The following PRR16 variants were observed in gnomAD, a reference collection of about 807,000 sequenced individuals.
The protein encoded by PRR16 is protein Largen.
Under a neutral mutation model 18.2 loss-of-function variants are expected in PRR16, and 6 were observed. The ratio of observed to expected loss-of-function variants is 0.33; its 90% CI spans 0.18 to 0.65. The LOEUF is 0.65. Ranked by LOEUF, PRR16 falls within the 30% of genes least tolerant of loss-of-function variation. PRR16 has a pLI of 0.74. For missense variants in PRR16, 412 were observed against 376.6 expected, an observed-to-expected ratio of 1.09 and a Z score of -0.78; for synonymous variants, 151 against 147.8, an observed-to-expected ratio of 1.02 and a Z score of -0.16.
intron 1 of PRR16, among the ~76,000 whole-genome samples, chr5:120,517,704 A>T (rs1450352984): frequency 6.6e-6 from 1 of 152,176 alleles, no homozygotes; most frequent in Non-Finnish European, 1.5e-5. Flanking sequence ...CTTTGTAGAT[A>T]GTAGAAGAGT....
intron 1 of PRR16, among the ~76,000 whole-genome samples, chr5:120,615,008 T>C (rs1026671586): frequency 6.6e-6 from 1 of 152,148 alleles, no homozygotes; most frequent in East Asian, 1.9e-4. Context: ...CAGTAAAGAT[T>C]CTGACATGCA....
chr5:120,700,349 G>A, the PRR16 span, among the ~76,000 whole-genome samples: 1 of 152,208 alleles, frequency 6.6e-6, no homozygotes, highest in South Asian at 2.1e-4. Flanking sequence ...CTTGAGTGGG[G>A]TAAGGGTGAT....
intron 1 of PRR16, among the ~76,000 whole-genome samples, chr5:120,562,232 G>A (rs966695946): frequency 2.6e-5 from 4 of 151,754 alleles, no homozygotes; most frequent in Admixed American, 2.6e-4. Context: ...ATTATATAAT[G>A]GCCTCCTTTG....
intron 1 of PRR16, among the ~76,000 whole-genome samples, chr5:120,564,552 A>G (rs1276885957): frequency 6.6e-6 from 1 of 152,152 alleles, no homozygotes; most frequent in African/African-American, 2.4e-5. Context: ...CACTGAGTTC[A>G]ATGGAAAGTT....
chr5:120,744,845 T>C, the PRR16 span, among the ~76,000 whole-genome samples: 1 of 152,136 alleles, frequency 6.6e-6, no homozygotes, highest in Non-Finnish European at 1.5e-5. Flanking sequence ...GGATTGTCAA[T>C]GGGGGGTAAA....
At chr5:120,488,341 C>A (rs1243121659) in intron 1 of PRR16, among the ~76,000 whole-genome samples, 3 of 152,088 alleles carry the variant, frequency 2.0e-5, no homozygotes, top group Admixed American at 6.6e-5. Flanking sequence ...CTATTGGTCT[C>A]TTCAGAGATT....
intron 1 of PRR16, among the ~76,000 whole-genome samples, chr5:120,622,603 C>T (rs893425385): frequency 9.9e-5 from 15 of 152,092 alleles, no homozygotes; most frequent in African/African-American, 2.2e-4. Flanking sequence ...CTTAGCCTCC[C>T]GAATAGCTGG....
chr5:120,585,767 G>T (rs1753420653), intron 1 of PRR16, among the ~76,000 whole-genome samples: 1 of 151,966 alleles, frequency 6.6e-6, no homozygotes, highest in African/African-American at 2.4e-5. Context: ...AGCATTTCAA[G>T]CTGAACGTAT....
chr5:120,654,559 T>C (rs1338066280), intron 1 of PRR16, among the ~76,000 whole-genome samples: 3 of 151,532 alleles, frequency 2.0e-5, no homozygotes, highest in African/African-American at 7.3e-5. Context: ...CTAAAAAAAA[T>C]CTCAAATTAT....
chr5:120,610,966 A>C (rs1369956683), intron 1 of PRR16, among the ~76,000 whole-genome samples: 2 of 152,192 alleles, frequency 1.3e-5, no homozygotes, highest in Admixed American at 1.3e-4. Flanking sequence ...CTTTGCCCAA[A>C]ATGCTGATAG....
chr5:120,737,466 ATT>A, the PRR16 span, among the ~76,000 whole-genome samples: 4 of 151,548 alleles, frequency 2.6e-5, no homozygotes, highest in African/African-American at 9.7e-5. Flanking sequence ...CCATACTTGT[ATT>A]CCAGGAATAA....
the PRR16 span, among the ~76,000 whole-genome samples, chr5:120,764,746 G>A: frequency 2.0e-5 from 3 of 152,084 alleles, no homozygotes; most frequent in Non-Finnish European, 2.9e-5. Context: ...ATTACTTGTA[G>A]AGGTCATCCT....
chr5:120,754,645 TTATA>T, the PRR16 span, among the ~76,000 whole-genome samples: 49 of 127,504 alleles, frequency 3.8e-4, no homozygotes, highest in African/African-American at 7.0e-4. Flanking sequence ...TATAAAGTAT[TTATA>T]TATTATATAT....
intron 1 of PRR16, among the ~76,000 whole-genome samples, chr5:120,560,865 G>T (rs1752552663): frequency 6.6e-6 from 1 of 152,042 alleles, no homozygotes; most frequent in Non-Finnish European, 1.5e-5. Flanking sequence ...TAGGTTGTAT[G>T]TGTCTAGGAA....
At chr5:120,778,443 A>T in the PRR16 span, among the ~76,000 whole-genome samples, 24 of 152,308 alleles carry the variant, frequency 1.6e-4, no homozygotes, top group African/African-American at 5.5e-4. Flanking sequence ...GAAGAAAAAT[A>T]AAATTTAAGT....
At chr5:120,572,705 G>A (rs185518895) in intron 1 of PRR16, among the ~76,000 whole-genome samples, 35 of 152,192 alleles carry the variant, frequency 2.3e-4, no homozygotes, top group Admixed American at 2.2e-3. Flanking sequence ...AAATTCAAAT[G>A]CTAGTAATTA....
the PRR16 span, among the ~76,000 whole-genome samples, chr5:120,761,412 G>T: frequency 6.6e-6 from 1 of 151,970 alleles, no homozygotes; most frequent in Non-Finnish European, 1.5e-5. Context: ...ACTACCCCTA[G>T]ACTATATCTC....
At chr5:120,738,906 A>C in the PRR16 span, among the ~76,000 whole-genome samples, 1 of 152,272 alleles carries the variant, frequency 6.6e-6, no homozygotes, top group Admixed American at 6.5e-5. Flanking sequence ...TCAAATACTA[A>C]TTTTGCAGAG....
At chr5:120,766,816 A>T in the PRR16 span, among the ~76,000 whole-genome samples, 1 of 151,964 alleles carries the variant, frequency 6.6e-6, no homozygotes, top group Non-Finnish European at 1.5e-5. Context: ...CCCTTCTATT[A>T]ATGCCAGTAA....
Sources: gnomAD v4.1 joint callset for allele counts (sites outside exome capture counted in the v4.1 genomes callset) on GRCh38, gnomAD v4.1.1 for gene constraint, MANE v1.5 for transcripts, NCBI Gene and HGNC (gene_info 2026-07-23, HGNC 2026-07-21) for gene names.